Variants in ZFPM2 observed in about 807,000 individuals in gnomAD.
ZFPM2 encodes the protein zinc finger protein ZFPM2.
ZFPM2 carries 20 observed loss-of-function variants against 98.6 expected under a neutral mutation model. The observed-to-expected ratio is 0.20, with a 90% CI of 0.14 to 0.29. The LOEUF is 0.29. Ranked by LOEUF, ZFPM2 falls within the 10% of genes least tolerant of loss-of-function variation. The probability of loss-of-function intolerance (pLI) is 1.00; values close to 1 mark genes in which losing one functional copy is unlikely to be tolerated. For missense variants in ZFPM2, 1,310 were observed against 1,388.6 expected, an observed-to-expected ratio of 0.94 and a Z score of 0.90; for synonymous variants, 518 against 502.7, an observed-to-expected ratio of 1.03 and a Z score of -0.41.
In ZFPM2 at chr8:105,648,984, A is replaced by G. The variant is rs187572291; in HGVS notation, c.532+14627A>G. Among the ~76,000 whole-genome samples, 164 of 152,190 alleles carry G rather than the reference A, an allele frequency of 1.1e-3. 1 individual carries two copies. Among genetic ancestry groups the G allele is most frequent in the African/African-American group, 3.7e-3 (154 of 41,510 alleles). ...TACCTTGGGTAGTATGGCTATTTTC[A>G]CCATATTGATTCTTCCAATCCATGA... On this transcript the variant is annotated intron_variant, in intron 5 of 7. Transcript: ENST00000407775.
At chr8:105,736,991 C>T (rs1812088121) in intron 5 of ZFPM2, among the ~76,000 whole-genome samples, 2 of 151,734 alleles carry the variant, frequency 1.3e-5, no homozygotes, top group African/African-American at 4.8e-5. Flanking sequence ...TTTTTTTTCA[C>T]ACAAAATTCT....
intron 4 of ZFPM2, among the ~76,000 whole-genome samples, chr8:105,621,088 G>A (rs1816531738): frequency 6.6e-6 from 1 of 152,110 alleles, no homozygotes; most frequent in Non-Finnish European, 1.5e-5. Flanking sequence ...TAGCTTGATG[G>A]GGATGGCATT....
chr8:105,599,697 T>C (rs1157181103), intron 4 of ZFPM2, among the ~76,000 whole-genome samples: 1 of 152,088 alleles, frequency 6.6e-6, no homozygotes, highest in Non-Finnish European at 1.5e-5. Context: ...GTTAGCTCCT[T>C]TCTCAAGTCA....
chr8:105,794,534 G>T (rs1040099395), intron 6 of ZFPM2, among the ~76,000 whole-genome samples: 1 of 152,202 alleles, frequency 6.6e-6, no homozygotes, highest in Non-Finnish European at 1.5e-5. Context: ...CAGGGGTCAG[G>T]GACCCACTTG....
intron 1 of ZFPM2, among the ~76,000 whole-genome samples, chr8:105,403,992 AAACAAC>A (rs58138715): frequency 0.3 from 43,763 of 147,538 alleles, 6,804 homozygotes; most frequent in Non-Finnish European, 0.36. Flanking sequence ...ATTGGTGTTA[AAACAAC>A]AACAACAACA....
Position 105,727,056 on chromosome 8 carries a change from C to T in ZFPM2, c.533-61662C>T, listed in dbSNP as rs752199775. 3.3e-4 allele frequency among the ~76,000 whole-genome samples: 50 copies of T among 151,574 alleles called. 1 individual carries two copies. Among genetic ancestry groups the T allele is most frequent in the Non-Finnish European group, 4.4e-4 (30 of 67,820 alleles). Reference sequence around the variant, plus strand: ...GGCTAAGGTGGAGATAATAAATCTTCGGATATGTTGAATCATCATTATGAG... The same window carrying T: ...GGCTAAGGTGGAGATAATAAATCTTTGGATATGTTGAATCATCATTATGAG... On this transcript the variant is annotated intron_variant, in intron 5 of 7. Transcript: ENST00000407775.
intron 1 of ZFPM2, among the ~76,000 whole-genome samples, chr8:105,409,408 C>T (rs1811531761): frequency 6.6e-6 from 1 of 151,846 alleles, no homozygotes; most frequent in Non-Finnish European, 1.5e-5. Flanking sequence ...TATTCTGTCC[C>T]AGAATCATCT....
At chr8:105,365,707 C>A (rs1167846858) in intron 1 of ZFPM2, among the ~76,000 whole-genome samples, 1 of 152,052 alleles carries the variant, frequency 6.6e-6, no homozygotes, top group Non-Finnish European at 1.5e-5. Flanking sequence ...AATGATTTCC[C>A]TTTTAGTCCA....
intron 1 of ZFPM2, among the ~76,000 whole-genome samples, chr8:105,409,248 T>A (rs1234462611): frequency 6.6e-6 from 1 of 151,874 alleles, no homozygotes; most frequent in African/African-American, 2.4e-5. Flanking sequence ...AAAATTGACA[T>A]ACTGTCCCCT....
intron 1 of ZFPM2, among the ~76,000 whole-genome samples, chr8:105,389,774 C>T (rs1361026054): frequency 6.6e-6 from 1 of 152,058 alleles, no homozygotes; most frequent in Admixed American, 6.6e-5. Flanking sequence ...AAGACGTGAT[C>T]ATAGCTATGT....
chr8:105,676,165 T>C (rs1046632873), intron 5 of ZFPM2: 1 of 152,326 alleles, frequency 6.6e-6, no homozygotes, highest in Middle Eastern at 3.4e-3. Context: ...CAGTGACTTA[T>C]GGTCCTTTGT....
chr8:105,444,187 G>C, intron 2 of ZFPM2, 93 bp from the exon 3 acceptor site: 1 of 930,052 alleles, frequency 1.1e-6, no homozygotes, highest in East Asian at 2.6e-5. Flanking sequence ...CCTGTAATTA[G>C]ATATATGATA....
chr8:105,469,508 A>T (rs904112137), intron 3 of ZFPM2, among the ~76,000 whole-genome samples: 3 of 152,084 alleles, frequency 2.0e-5, no homozygotes, highest in Admixed American at 2.0e-4. Context: ...TCATGCATGC[A>T]TGCATTCACA....
Position 105,764,256 on chromosome 8 carries a change from A to ACTCTCTCTCTCTTTCTCT in ZFPM2, c.533-24449_533-24432dup, listed in dbSNP as rs1563553860. ...TGGTAAAGCTAGATCAAGGTTTAAA[A>ACTCTCTCTCTCTTTCTCT]CTCTCTCTCTCTTTCTCTCTCTCTC... On this transcript the variant is annotated intron_variant, in intron 5 of 7. Coordinates refer to ENST00000407775, the MANE Select transcript of ZFPM2 (RefSeq NM_012082.4). 2.1e-5 allele frequency among the ~76,000 whole-genome samples: 3 copies of ACTCTCTCTCTCTTTCTCT among 143,924 alleles called. No homozygotes were observed. The Admixed American group carries it at 2.1e-4, about 10-fold the overall frequency. 94.4% of individuals were successfully genotyped at this position (143,924 alleles called of 152,430 possible).
At chr8:105,675,921 T>G (rs1184120182) in intron 5 of ZFPM2, 5 of 152,278 alleles carry the variant, frequency 3.3e-5, no homozygotes, top group African/African-American at 1.2e-4. Flanking sequence ...ACTGAGGCTT[T>G]TCAAAGTCAC....
intron 3 of ZFPM2, among the ~76,000 whole-genome samples, chr8:105,548,926 A>C (rs1463835977): frequency 6.6e-6 from 1 of 152,206 alleles, no homozygotes; most frequent in Non-Finnish European, 1.5e-5. Flanking sequence ...ATTTTGAATG[A>C]GTAAATATGT....
chr8:105,778,495 T>C (rs1432515133), intron 5 of ZFPM2, among the ~76,000 whole-genome samples: 1 of 151,636 alleles, frequency 6.6e-6, no homozygotes, highest in Non-Finnish European at 1.5e-5. Context: ...CATGCGTGTG[T>C]GTGTGTGTGT....
At chr8:105,488,393 T>C (rs751912389) in intron 3 of ZFPM2, among the ~76,000 whole-genome samples, 5 of 152,138 alleles carry the variant, frequency 3.3e-5, no homozygotes, top group Non-Finnish European at 7.3e-5. Flanking sequence ...GGGCAAATAG[T>C]GGAAGTAAAT....
At chr8:105,787,774 A>T (rs1315218495) in intron 5 of ZFPM2, among the ~76,000 whole-genome samples, 1 of 152,192 alleles carries the variant, frequency 6.6e-6, no homozygotes, top group Admixed American at 6.5e-5. Context: ...AGTATGCTGC[A>T]TTATTTCAGG....
Sources: gnomAD v4.1 joint callset for allele counts (sites outside exome capture counted in the v4.1 genomes callset) on GRCh38, gnomAD v4.1.1 for gene constraint, MANE v1.5 for transcripts, NCBI Gene and HGNC (gene_info 2026-07-23, HGNC 2026-07-21) for gene names.